Variants in EIF4B observed in about 807,000 individuals in gnomAD.
The protein encoded by EIF4B is eukaryotic translation initiation factor 4B.
EIF4B carries 8 observed loss-of-function variants against 79.3 expected under a neutral mutation model. The observed-to-expected ratio is 0.10, with a 90% CI of 0.06 to 0.18. The LOEUF is 0.18. Ranked by LOEUF, EIF4B falls within the 10% of genes least tolerant of loss-of-function variation. EIF4B has a pLI of 1.00. For missense variants in EIF4B, 515 were observed against 792.4 expected (o/e 0.65, Z 4.20); for synonymous variants, 238 against 274.7 (o/e 0.87, Z 1.32).
intron 1 of EIF4B, among the ~76,000 whole-genome samples, chr12:53,014,170 G>A (rs545915638): frequency 1.9e-4 from 29 of 151,498 alleles, no homozygotes; most frequent in Admixed American, 1.2e-3. Context: ...GTTGGCTCAC[G>A]TCTGTAATCC....
chr12:53,008,956 A>G (rs1162127023), intron 1 of EIF4B, among the ~76,000 whole-genome samples: 11 of 152,152 alleles, frequency 7.2e-5, no homozygotes, highest in Admixed American at 3.9e-4. Flanking sequence ...AATCGCTTCA[A>G]TCTGGGAGGG....
At chr12:53,010,858 C>G (rs1943052720) in intron 1 of EIF4B, among the ~76,000 whole-genome samples, 1 of 152,168 alleles carries the variant, frequency 6.6e-6, no homozygotes. Context: ...CAGGCATGAG[C>G]CACCACACCT....
Position 53,034,717 on chromosome 12 carries a change from A to C in EIF4B, c.1306+8A>C, listed in dbSNP as rs1943508037. The C allele has an allele frequency of 6.2e-7, 1 of 1,614,072 alleles. No homozygotes were observed. The highest frequency in any genetic ancestry group is 8.5e-7 in the Non-Finnish European group (1 of 1,179,916). On this transcript the variant is annotated splice_region_variant and intron_variant, in intron 10 of 14. Coordinates refer to ENST00000262056, the MANE Select transcript of EIF4B (RefSeq NM_001417.7). ...CCACCACATCTAGCAGAAGTAAGTC[A>C]GACCAGGGTGGGTATCGTGTTATTG...
At chr12:53,024,687 C>G (rs779068402) in intron 6 of EIF4B, among the ~76,000 whole-genome samples, 1 of 152,154 alleles carries the variant, frequency 6.6e-6, no homozygotes, top group Non-Finnish European at 1.5e-5. Flanking sequence ...GACACAGTCT[C>G]TCTGTGTTGC....
chr12:53,006,714 C>T (rs892843011), intron 1 of EIF4B, among the ~76,000 whole-genome samples: 1 of 151,824 alleles, frequency 6.6e-6, no homozygotes, highest in Non-Finnish European at 1.5e-5. Context: ...TCTTTTCACC[C>T]TTTCTGCGCG....
chr12:53,025,339 A>T (rs1253686708), intron 6 of EIF4B: 2 of 439,710 alleles, frequency 4.5e-6, no homozygotes, highest in African/African-American at 4.1e-5. Flanking sequence ...AGCAGAATGG[A>T]TAACGAGTGA....
At chr12:53,021,755 A>G in intron 4 of EIF4B, 51 bp from the exon 5 acceptor site, 1 of 1,608,618 alleles carries the variant, frequency 6.2e-7, no homozygotes, top group Non-Finnish European at 8.5e-7. Flanking sequence ...CACTCAAGGG[A>G]TTTGTGCATA....
At chr12:53,017,541 G>A (rs1381180631) in intron 2 of EIF4B, among the ~76,000 whole-genome samples, 3 of 152,048 alleles carry the variant, frequency 2.0e-5, no homozygotes, top group East Asian at 1.9e-4. Context: ...CCTGAAAATC[G>A]TTTATTGCAT....
intron 1 of EIF4B, among the ~76,000 whole-genome samples, chr12:53,009,069 T>TCAAAAAAAAA (rs1943018931): frequency 1.3e-5 from 2 of 152,174 alleles, no homozygotes; most frequent in Admixed American, 1.3e-4. Context: ...GTTTTTCATT[T>TCAAAAAAAAA]TTCTTAAATT....
intron 3 of EIF4B, among the ~76,000 whole-genome samples, chr12:53,019,450 C>CTTTTCTTTTTTTT (rs1943208491): frequency 3.0e-5 from 2 of 65,998 alleles, no homozygotes; most frequent in Admixed American, 2.1e-4. Flanking sequence ...TTTTTTTTTT[C>CTTTTCTTTTTTTT]TTTTTTTTTT....
At chr12:53,030,177 T>C (rs1184405320) in intron 8 of EIF4B, among the ~76,000 whole-genome samples, 5 of 30,004 alleles carry the variant, frequency 1.7e-4, no homozygotes, top group African/African-American at 2.5e-4. Context: ...AGCCAAGGTC[T>C]CATTTCAGCT....
intron 6 of EIF4B, among the ~76,000 whole-genome samples, chr12:53,026,788 A>G (rs1943341796): frequency 6.6e-6 from 1 of 151,950 alleles, no homozygotes. Flanking sequence ...TATTTGATAG[A>G]GTTGTGGTTT....
intron 2 of EIF4B, 94 bp downstream of exon 2, chr12:53,016,704 AACTT>A: frequency 6.8e-7 from 1 of 1,467,156 alleles, no homozygotes; most frequent in African/African-American, 1.4e-5. Flanking sequence ...ATCTGAAAAG[AACTT>A]ACTCATTTTT....
rs759061266 is a variant in EIF4B at position 53,030,413 on chromosome 12, CTT to C, written c.979+2249_979+2250del. ...GAAATAGGTTTTAAAAAATTATATT[CTT>C]TTTTTTTTTTTTTTTTTTTTTTTGA... On this transcript the variant is annotated intron_variant, in intron 8 of 14. Transcript: ENST00000262056. Among the ~76,000 whole-genome samples, 75 of 43,082 alleles carry C rather than the reference CTT, an allele frequency of 1.7e-3. 1 individual carries two copies. Among genetic ancestry groups the C allele is most frequent in the East Asian group, 0.012 (13 of 1,044 alleles). 28.3% of individuals were successfully genotyped at this position (43,082 alleles called of 152,430 possible). A position where few individuals can be genotyped will look rare whatever the true frequency, so the allele number is the denominator to read the frequency against.
In EIF4B at chr12:53,039,975, C is replaced by T. The variant is rs926664029; in HGVS notation, c.1756-168C>T. Reference sequence around the variant, plus strand: ...GAGACTATAGTAAGATCGCATGTGCCTCTGACCCTCTTCCCTAGCTCCTCT... The same window carrying T: ...GAGACTATAGTAAGATCGCATGTGCTTCTGACCCTCTTCCCTAGCTCCTCT... On this transcript the variant is annotated intron_variant, in intron 14 of 14. Coordinates refer to ENST00000262056, the MANE Select transcript of EIF4B (RefSeq NM_001417.7). 1.7e-4 allele frequency: 134 copies of T among 766,508 alleles called. 1 individual carries two copies. Among genetic ancestry groups the T allele is most frequent in the Non-Finnish European group, 5.8e-5 (27 of 467,102 alleles). The allele number at this position is 766,508 out of a possible 1,614,324, so 47.5% of individuals were successfully genotyped here. A position where few individuals can be genotyped will look rare whatever the true frequency, so the allele number is the denominator to read the frequency against.
rs140460246 is a variant in EIF4B, at chr12:53,029,927, T to TTA, written c.979+1739_979+1740insTA. ...ATAATAATTCAATGTTTGTTTTTTT[T>TTA]AAAAAAAACTTAGGCCAGCCATGGT... On this transcript the variant is annotated intron_variant, in intron 8 of 14. Coordinates refer to ENST00000262056, the MANE Select transcript of EIF4B (RefSeq NM_001417.7). Among the ~76,000 whole-genome samples, 20 of 151,002 alleles carry TTA rather than the reference T, an allele frequency of 1.3e-4. 1 individual carries two copies. The highest frequency in any genetic ancestry group is 5.9e-4 in the East Asian group (3 of 5,114).
At chr12:53,027,605 A>C (rs530795908) in intron 6 of EIF4B, among the ~76,000 whole-genome samples, 177 bp from the exon 7 acceptor site, 1 of 152,312 alleles carries the variant, frequency 6.6e-6, no homozygotes, top group South Asian at 2.1e-4. Context: ...TTAATTTCCA[A>C]CCCACCCTTC....
intron 1 of EIF4B, among the ~76,000 whole-genome samples, chr12:53,011,394 A>AT (rs1455242752): frequency 1.3e-5 from 2 of 152,104 alleles, no homozygotes; most frequent in Non-Finnish European, 2.9e-5. Context: ...TTATCTTTTT[A>AT]TTTATTGAAG....
chr12:53,035,175 A>C (rs910173188), intron 10 of EIF4B, among the ~76,000 whole-genome samples: 2 of 151,668 alleles, frequency 1.3e-5, no homozygotes, highest in African/African-American at 4.8e-5. Flanking sequence ...GTTCAATTGT[A>C]ATACCTCCCT....
Sources: allele counts gnomAD v4.1 joint callset (sites outside exome capture counted in the v4.1 genomes callset), GRCh38; gene constraint gnomAD v4.1.1; transcripts MANE v1.5; gene names NCBI Gene and HGNC (gene_info 2026-07-23, HGNC 2026-07-21).